The following SLCO3A1 variants were observed in gnomAD, a reference collection of about 807,000 sequenced individuals.
SLCO3A1 encodes PGE1 transporter.
Under a neutral mutation model 63.1 loss-of-function variants are expected in SLCO3A1, and 27 were observed. The ratio of observed to expected loss-of-function variants is 0.43; its 90% CI spans 0.32 to 0.59. The LOEUF (loss-of-function observed/expected upper bound fraction) is 0.59, where lower values mean the gene tolerates loss of function less well. Among genes scored for constraint, SLCO3A1 ranks in the 20% least tolerant of loss-of-function variants. The pLI, the probability that SLCO3A1 is intolerant of heterozygous loss-of-function variation, is 0.09. For missense variants in SLCO3A1, 773 were observed against 945.8 expected, an observed-to-expected ratio of 0.82 and a Z score of 2.40; for synonymous variants, 473 against 409.9, an observed-to-expected ratio of 1.15 and a Z score of -1.86.
At chr15:92,161,233 C>T (rs532666599) in intron 9 of SLCO3A1, among the ~76,000 whole-genome samples, 1 of 152,160 alleles carries the variant, frequency 6.6e-6, no homozygotes, top group Non-Finnish European at 1.5e-5. Context: ...GCATTAGTGA[C>T]TCATCTGTCA....
At position 91,894,650 on chromosome 15, in the gene SLCO3A1, A is replaced by T. The variant is rs141646848; in HGVS notation, c.181-21343A>T. Reference sequence around the variant, plus strand: ...GGCAGCATTTTTGACTTGAATGTTCATATGTACCACTGGGGATCTTGGTAA... The same window carrying T: ...GGCAGCATTTTTGACTTGAATGTTCTTATGTACCACTGGGGATCTTGGTAA... On this transcript the variant is annotated intron_variant, in intron 1 of 9. Transcript: ENST00000318445. This position sits in a 1 kb window ranked among gnomAD's most constrained non-coding sequence, Gnocchi z 4.8. Among the ~76,000 whole-genome samples the T allele has an allele frequency of 7.0e-4, 106 of 152,302 alleles. No individual in the cohort carries two copies. Among genetic ancestry groups the T allele is most frequent in the African/African-American group, 2.5e-3 (103 of 41,550 alleles).
At chr15:92,017,752 G>A (rs1338629845) in intron 2 of SLCO3A1, among the ~76,000 whole-genome samples, 2 of 152,062 alleles carry the variant, frequency 1.3e-5, no homozygotes, top group Non-Finnish European at 2.9e-5. Context: ...GGAAGGTGAA[G>A]CTACCAGGGG....
chr15:92,123,280 G>A (rs142926598), intron 5 of SLCO3A1, among the ~76,000 whole-genome samples: 245 of 152,126 alleles, frequency 1.6e-3, no homozygotes, highest in African/African-American at 5.4e-3. Flanking sequence ...CAAAAATTAG[G>A]CGTGTCATCC....
downstream of SLCO3A1, chr15:92,165,918 C>T (rs1382086865): frequency 1.0e-6 from 1 of 984,664 alleles, no homozygotes; most frequent in Non-Finnish European, 1.2e-6. Flanking sequence ...AGAGTTCTCT[C>T]TCTTCTGCTA....
At chr15:91,928,077 T>A (rs948823528) in intron 2 of SLCO3A1, among the ~76,000 whole-genome samples, 3 of 152,230 alleles carry the variant, frequency 2.0e-5, no homozygotes, top group East Asian at 3.9e-4. Flanking sequence ...GTCTCCCACA[T>A]TGGTGCTTTT....
rs140255057 is a variant in SLCO3A1, at chr15:92,013,750, A to T, written c.647-81131A>T. 2.0e-3 allele frequency among the ~76,000 whole-genome samples: 309 copies of T among 152,136 alleles called. 1 individual carries two copies. The highest frequency in any genetic ancestry group is 0.014 in the Middle Eastern group (4 of 294). ...CCTTTAGAGGTCCTGCTGGCAGGGG[A>T]TGTTGAGGAAGGATTTGGACTTTGA... is the stretch of plus-strand genomic sequence containing the variant. On this transcript the variant is annotated intron_variant, in intron 2 of 9. Coordinates refer to ENST00000318445, the MANE Select transcript of SLCO3A1 (RefSeq NM_013272.4).
chr15:91,997,128 G>T (rs903532112), intron 2 of SLCO3A1, among the ~76,000 whole-genome samples: 1 of 152,150 alleles, frequency 6.6e-6, no homozygotes, highest in Admixed American at 6.5e-5. Context: ...AAGGTCCCTG[G>T]AAATGATAAA....
At chr15:92,123,356 G>A (rs978796567) in intron 5 of SLCO3A1, among the ~76,000 whole-genome samples, 4 of 152,068 alleles carry the variant, frequency 2.6e-5, no homozygotes, top group Admixed American at 6.5e-5. Context: ...GCAGTGAGCC[G>A]AGATCGCGCC....
intron 2 of SLCO3A1, among the ~76,000 whole-genome samples, chr15:91,975,598 G>A (rs1901073089): frequency 6.6e-6 from 1 of 152,184 alleles, no homozygotes; most frequent in South Asian, 2.1e-4. Context: ...GCAGGTTCTA[G>A]GGCCAGGGGG....
At chr15:91,974,533 G>A (rs1901020581) in intron 2 of SLCO3A1, among the ~76,000 whole-genome samples, 1 of 152,084 alleles carries the variant, frequency 6.6e-6, no homozygotes, top group Non-Finnish European at 1.5e-5. Context: ...TCCAGGCAGA[G>A]GGAAGAGCGT....
chr15:92,031,750 AG>A (rs1266681317), intron 2 of SLCO3A1, among the ~76,000 whole-genome samples: 1 of 152,336 alleles, frequency 6.6e-6, no homozygotes, highest in African/African-American at 2.4e-5. Flanking sequence ...TAATCACATC[AG>A]GGTCAACAGG....
At chr15:92,170,079 G>A (rs1053051415), downstream of SLCO3A1, among the ~76,000 whole-genome samples, 1 of 152,148 alleles carries the variant, frequency 6.6e-6, no homozygotes, top group African/African-American at 2.4e-5. Flanking sequence ...CTTTCTGTAG[G>A]TGGACACTTA....
In SLCO3A1 at chr15:91,862,655, G is replaced by A. The variant is rs779091617; in HGVS notation, c.180+8567G>A. On this transcript the variant is annotated intron_variant, in intron 1 of 9. Coordinates refer to ENST00000318445, the MANE Select transcript of SLCO3A1 (RefSeq NM_013272.4). This position sits in a 1 kb window ranked among gnomAD's most constrained non-coding sequence, Gnocchi z 4.0. ...ACCTAAATTTCTAGTTGTGCAGAGC[G>A]TGAAGAAATGAGCAGGGGCTGATGA... Among the ~76,000 whole-genome samples, 24 of 152,310 alleles carry A rather than the reference G, an allele frequency of 1.6e-4. No homozygotes were observed. The highest frequency in any genetic ancestry group is 2.4e-4 in the Non-Finnish European group (16 of 68,024).
At chr15:92,077,347 C>T (rs143099175) in intron 2 of SLCO3A1, among the ~76,000 whole-genome samples, 7 of 152,256 alleles carry the variant, frequency 4.6e-5, no homozygotes, top group Non-Finnish European at 8.8e-5. Context: ...CGGAGATGGT[C>T]ATTTTTTTGA....
chr15:91,947,150 A>C (rs1899835067), intron 2 of SLCO3A1, among the ~76,000 whole-genome samples: 1 of 152,192 alleles, frequency 6.6e-6, no homozygotes, highest in African/African-American at 2.4e-5. Flanking sequence ...CAACAGGGCA[A>C]AGGAAGCTTC....
intron 1 of SLCO3A1, among the ~76,000 whole-genome samples, chr15:91,911,414 A>C (rs1898481528): frequency 6.6e-6 from 1 of 152,086 alleles, no homozygotes. Flanking sequence ...ACCCCACCCC[A>C]GACCTGCAAA....
At chr15:92,056,133 A>C (rs1027246601) in intron 2 of SLCO3A1, among the ~76,000 whole-genome samples, 1 of 152,062 alleles carries the variant, frequency 6.6e-6, no homozygotes, top group Non-Finnish European at 1.5e-5. Flanking sequence ...TGGGGCTTGC[A>C]GGGGGGACTT....
At position 92,163,898 on chromosome 15, in the gene SLCO3A1, C is replaced by T. The variant is rs2048471263; in HGVS notation, c.*763C>T. On this transcript the variant is annotated 3_prime_UTR_variant, in exon 10 of 10. Transcript: ENST00000318445. ...AGCACCTCCCAGTGGCGGGCATCCA[C>T]CTTCCCCCAGCCCCACAGAGTGACC... is the stretch of plus-strand genomic sequence containing the variant. 1.0e-6 allele frequency: 1 copy of T among 985,658 alleles called. No individual in the cohort carries two copies. Among genetic ancestry groups the T allele is most frequent in the Non-Finnish European group, 1.2e-6 (1 of 830,090 alleles). The allele number at this position is 985,658 out of a possible 1,614,324, so 61.1% of individuals were successfully genotyped here. A position where few individuals can be genotyped will look rare whatever the true frequency, so the allele number is the denominator to read the frequency against.
chr15:92,158,695 A>G (rs2048401183), intron 9 of SLCO3A1, among the ~76,000 whole-genome samples: 1 of 152,134 alleles, frequency 6.6e-6, no homozygotes, highest in Non-Finnish European at 1.5e-5. Flanking sequence ...AAAATGAGTC[A>G]CCAAGGTGGA....
Sources: allele counts gnomAD v4.1 joint callset (sites outside exome capture counted in the v4.1 genomes callset), GRCh38; gene constraint gnomAD v4.1.1; non-coding constraint Gnocchi (gnomAD v3.1); transcripts MANE v1.5; gene names NCBI Gene and HGNC (gene_info 2026-07-23, HGNC 2026-07-21).